AK4: variants seen among roughly 807,000 people sequenced by gnomAD.
The protein encoded by AK4 is adenylate kinase 4, mitochondrial.
AK4 carries 13 observed loss-of-function variants against 24.6 expected under a neutral mutation model. The ratio of observed to expected loss-of-function variants is 0.53; its 90% confidence interval spans 0.34 to 0.84. The LOEUF (loss-of-function observed/expected upper bound fraction) is 0.84, where lower values mean the gene tolerates loss of function less well. Ranked by LOEUF, AK4 falls within the 40% of genes least tolerant of loss-of-function variation. The probability of loss-of-function intolerance (pLI) is 0.01; values close to 1 mark genes in which losing one functional copy is unlikely to be tolerated. For synonymous variants in AK4, 88 were observed against 107.0 expected (o/e 0.82, Z 1.10); for missense variants, 192 against 288.2 (o/e 0.67, Z 2.42).
rs191018832 is a variant in AK4 at position 65,190,161 on chromosome 1, T to C, written c.146-549T>C. On this transcript the variant is annotated intron_variant, in intron 1 of 4. Coordinates refer to ENST00000327299, the MANE Select transcript of AK4 (RefSeq NM_013410.4). ...GGGCTTCTCTTTATCAGCTTTTTTA[T>C]GTACCATCCTGCTTCTTGACTTTAT... is the stretch of plus-strand genomic sequence containing the variant. Among the ~76,000 whole-genome samples the C allele has an allele frequency of 2.7e-4, 41 of 152,340 alleles. No individual in the cohort carries two copies. In the East Asian group the frequency reaches 7.5e-3, roughly 28 times the overall value.
chr1:65,162,423 A>G (rs1001096237), intron 1 of AK4, among the ~76,000 whole-genome samples: 1 of 152,154 alleles, frequency 6.6e-6, no homozygotes, highest in East Asian at 1.9e-4. Context: ...CATGGCCAGG[A>G]GTTTGGGCTT....
At chr1:65,196,402 A>G (rs1651472392) in intron 2 of AK4, among the ~76,000 whole-genome samples, 2 of 151,078 alleles carry the variant, frequency 1.3e-5, no homozygotes, top group Non-Finnish European at 3.0e-5. Context: ...TGCTCTTGCT[A>G]AAAAAAAAGT....
intron 3 of AK4, among the ~76,000 whole-genome samples, chr1:65,221,802 A>G (rs188242545): frequency 1.9e-4 from 29 of 152,342 alleles, no homozygotes; most frequent in African/African-American, 5.3e-4. Context: ...GTTTCCCTCA[A>G]AGAACATCTG....
chr1:65,222,200 T>C (rs756388484), intron 3 of AK4, among the ~76,000 whole-genome samples: 3 of 152,156 alleles, frequency 2.0e-5, no homozygotes, highest in Non-Finnish European at 2.9e-5. Context: ...AACCTTATTA[T>C]ACAAATGAAC....
At position 65,190,707 on chromosome 1, in the gene AK4, T is replaced by C. The variant is rs1311863282; in HGVS notation, c.146-3T>C. The C allele has an allele frequency of 6.2e-7, 1 of 1,605,806 alleles. No homozygotes were observed. The highest frequency in any genetic ancestry group is 1.3e-5 in the African/African-American group (1 of 74,450). ...ACCTCTTTTTTTCTTGTCTTTTTAA[T>C]AGAAGTTGGTGAGATGGCAAAGCAG... is the stretch of plus-strand genomic sequence containing the variant. On this transcript the variant is annotated splice_region_variant and splice_polypyrimidine_tract_variant and intron_variant, in intron 1 of 4. Transcript: ENST00000327299.
chr1:65,174,536 T>A (rs11208603), intron 1 of AK4, among the ~76,000 whole-genome samples: 48,144 of 152,018 alleles, frequency 0.32, 8,251 homozygotes, highest in East Asian at 0.52. Flanking sequence ...AAAAATACTG[T>A]TGGGATCCTT....
chr1:65,214,425 T>TGATGAAACTAAGGATCTGAGAGTA (rs1180557375), intron 2 of AK4, among the ~76,000 whole-genome samples: 5 of 152,114 alleles, frequency 3.3e-5, no homozygotes, highest in African/African-American at 9.7e-5. Context: ...GTTTCATATC[T>TGATGAAACTAAGGATCTGAGAGTA]GATGAAACTA....
chr1:65,175,911 C>T (rs1407481780), intron 1 of AK4, among the ~76,000 whole-genome samples: 1 of 152,176 alleles, frequency 6.6e-6, no homozygotes, highest in African/African-American at 2.4e-5. Flanking sequence ...TATAAAGCCG[C>T]GTGTGGTATT....
rs1337995297 is a variant in AK4 at position 65,228,811 on chromosome 1, C to T, written c.*2634C>T. On this transcript the variant is annotated 3_prime_UTR_variant, in exon 5 of 5. Coordinates refer to ENST00000327299, the MANE Select transcript of AK4 (RefSeq NM_013410.4). ...ATGGTTTCTAAGATGCCAACCTGAC[C>T]TCGCATTCTGTCATTCTACCCAGCT... The T allele has an allele frequency of 1.3e-5, 2 of 151,950 alleles. No individual in the cohort carries two copies. The highest frequency in any genetic ancestry group is 2.1e-4 in the South Asian group (1 of 4,808). The allele number at this position is 151,950 out of a possible 1,614,324, so 9.4% of individuals were successfully genotyped here.
chr1:65,182,381 A>G (rs565888214), intron 1 of AK4, among the ~76,000 whole-genome samples: 1 of 152,174 alleles, frequency 6.6e-6, no homozygotes, highest in Non-Finnish European at 1.5e-5. Flanking sequence ...GGGGTGAAAC[A>G]GGAGTAGCTC....
chr1:65,188,412 G>A (rs1651174950), intron 1 of AK4, among the ~76,000 whole-genome samples: 1 of 152,000 alleles, frequency 6.6e-6, no homozygotes, highest in Admixed American at 6.6e-5. Context: ...AAAAATAAAA[G>A]AAAGTGGGGT....
intron 2 of AK4, among the ~76,000 whole-genome samples, chr1:65,216,491 A>G (rs187640001): frequency 6.6e-6 from 1 of 152,172 alleles, no homozygotes; most frequent in African/African-American, 2.4e-5. Context: ...CAAAGTTCAA[A>G]TATTTTCTTT....
At chr1:65,223,714 G>A (rs992664864) in intron 3 of AK4, among the ~76,000 whole-genome samples, 6 of 152,038 alleles carry the variant, frequency 3.9e-5, no homozygotes, top group African/African-American at 1.2e-4. Flanking sequence ...CATAAAACCA[G>A]CCAGGCGCAG....
chr1:65,158,523 C>T (rs935534294), intron 1 of AK4, among the ~76,000 whole-genome samples: 9 of 151,958 alleles, frequency 5.9e-5, no homozygotes, highest in Admixed American at 1.3e-4. Context: ...TTCTTTGAGG[C>T]GGAGCCTCAG....
At chr1:65,200,374 C>T (rs573438893) in intron 2 of AK4, among the ~76,000 whole-genome samples, 127 of 152,168 alleles carry the variant, frequency 8.3e-4, no homozygotes, top group Non-Finnish European at 1.4e-3. Context: ...CTCAGCCTCC[C>T]AAAGTGCTGT....
At chr1:65,154,652 T>C in intron 1 of AK4, 1 of 454,718 alleles carries the variant, frequency 2.2e-6, no homozygotes, top group Non-Finnish European at 4.5e-6. Context: ...TTGGACTAAA[T>C]GATCCTCCTT....
chr1:65,201,539 T>A (rs1651663450), intron 2 of AK4, among the ~76,000 whole-genome samples: 1 of 152,130 alleles, frequency 6.6e-6, no homozygotes, highest in Non-Finnish European at 1.5e-5. Flanking sequence ...AATAAACAAA[T>A]TGAGTATACA....
At chr1:65,199,315 C>T (rs959638270) in intron 2 of AK4, among the ~76,000 whole-genome samples, 10 of 151,568 alleles carry the variant, frequency 6.6e-5, no homozygotes, top group Admixed American at 1.3e-4. Context: ...TTTGGGAGGC[C>T]GAGGTGGGCG....
At chr1:65,155,705 T>TAGGCTAGAGTGCAG (rs1649958071) in intron 1 of AK4, among the ~76,000 whole-genome samples, 23 of 151,780 alleles carry the variant, frequency 1.5e-4, no homozygotes, top group Admixed American at 1.5e-3. Flanking sequence ...CTCTGTCGCC[T>TAGGCTAGAGTGCAG]AGGCTAGAGT....
Sources: gnomAD v4.1 joint callset for allele counts (sites outside exome capture counted in the v4.1 genomes callset) on GRCh38, gnomAD v4.1.1 for gene constraint, MANE v1.5 for transcripts, NCBI Gene and HGNC (gene_info 2026-07-23, HGNC 2026-07-21) for gene names.